ZMAT4: variants seen among roughly 807,000 people sequenced by gnomAD.
ZMAT4 encodes zinc finger matrin-type 4.
ZMAT4 carries 17 observed loss-of-function variants against 28.7 expected under a neutral mutation model. The ratio of observed to expected loss-of-function variants is 0.59; its 90% CI spans 0.41 to 0.89. The LOEUF is 0.89. Ranked by LOEUF, ZMAT4 falls within the 40% of genes least tolerant of loss-of-function variation. ZMAT4 has a pLI of 0.00. For synonymous variants in ZMAT4, 117 were observed against 109.2 expected, an observed-to-expected ratio of 1.07 and a Z score of -0.44; for missense variants, 240 against 283.8, an observed-to-expected ratio of 0.85 and a Z score of 1.11.
chr8:40,801,351 A>AAAATATATATATATAT (rs370796453), intron 2 of ZMAT4, among the ~76,000 whole-genome samples: 6 of 97,258 alleles, frequency 6.2e-5, no homozygotes, highest in Admixed American at 2.9e-4. Flanking sequence ...TAAAAAAAAA[A>AAAATATATATATATAT]ATATATATAT....
chr8:40,562,166 A>G (rs1292376084), intron 6 of ZMAT4, among the ~76,000 whole-genome samples: 1 of 152,200 alleles, frequency 6.6e-6, no homozygotes, highest in African/African-American at 2.4e-5. Context: ...TCTGCTTTCC[A>G]AGAACCTGTA....
At chr8:40,544,824 G>A (rs1227917153) in intron 6 of ZMAT4, among the ~76,000 whole-genome samples, 1 of 152,138 alleles carries the variant, frequency 6.6e-6, no homozygotes, top group Non-Finnish European at 1.5e-5. Flanking sequence ...TGACTCAGAG[G>A]ATGGACCAAG....
intron 2 of ZMAT4, among the ~76,000 whole-genome samples, chr8:40,817,871 T>C (rs1248646151): frequency 1.3e-5 from 2 of 152,204 alleles, no homozygotes; most frequent in African/African-American, 4.8e-5. Flanking sequence ...ATGCTATGTG[T>C]TTGTTAAATC....
chr8:40,824,743 G>T (rs542824204), intron 2 of ZMAT4, among the ~76,000 whole-genome samples: 1 of 138,276 alleles, frequency 7.2e-6, no homozygotes, highest in South Asian at 2.3e-4. Context: ...AAGAAAGAAA[G>T]AAAAGAAAAA....
chr8:40,639,801 C>CACAT (rs1368894612), intron 5 of ZMAT4, among the ~76,000 whole-genome samples: 2 of 151,434 alleles, frequency 1.3e-5, no homozygotes, highest in Non-Finnish European at 2.9e-5. Context: ...CACACACACA[C>CACAT]ATTCTTTGTA....
At chr8:40,574,021 A>G (rs1804184180) in intron 6 of ZMAT4, among the ~76,000 whole-genome samples, 1 of 152,174 alleles carries the variant, frequency 6.6e-6, no homozygotes, top group African/African-American at 2.4e-5. Context: ...AATCACTGGC[A>G]CCTGAATACT....
intron 3 of ZMAT4, among the ~76,000 whole-genome samples, chr8:40,731,185 G>A (rs528058089): frequency 8.9e-4 from 131 of 146,568 alleles, no homozygotes; most frequent in South Asian, 5.0e-3. Context: ...GTTGGAGGGC[G>A]TTCCAGGGGA....
chr8:40,876,279 A>G (rs996333110), intron 1 of ZMAT4, among the ~76,000 whole-genome samples: 3 of 152,196 alleles, frequency 2.0e-5, no homozygotes, highest in Non-Finnish European at 4.4e-5. Context: ...CACTTAATGA[A>G]TAGTAAATAT....
intron 5 of ZMAT4, among the ~76,000 whole-genome samples, chr8:40,605,551 T>C (rs11985717): frequency 0.041 from 6,302 of 152,260 alleles, 414 homozygotes; most frequent in African/African-American, 0.14. Flanking sequence ...AGAGTACTTA[T>C]AATTTTGATT....
intron 3 of ZMAT4, among the ~76,000 whole-genome samples, chr8:40,756,792 T>A (rs542531987): frequency 5.2e-4 from 79 of 152,092 alleles, no homozygotes; most frequent in African/African-American, 1.7e-3. Context: ...GTCTATAACA[T>A]TTTCAACTGA....
rs115188023 is a variant in ZMAT4, at chr8:40,573,194, T to C, written c.674+7971A>G. ...AGGGCAGGCATTGTAAGCAGTGGCTTAGTAAAATGTGTCTAAAGGGTTGCC... is the reference window on the plus strand; with the variant it reads ...AGGGCAGGCATTGTAAGCAGTGGCTCAGTAAAATGTGTCTAAAGGGTTGCC... On this transcript the variant is annotated intron_variant, in intron 6 of 6. Transcript: ENST00000297737. Among the ~76,000 whole-genome samples the C allele has an allele frequency of 3.1e-3, 468 of 152,298 alleles. 3 individuals carry two copies. Among genetic ancestry groups the C allele is most frequent in the African/African-American group, 0.011 (453 of 41,572 alleles).
At chr8:40,802,553 A>G (rs1814895909) in intron 2 of ZMAT4, among the ~76,000 whole-genome samples, 1 of 152,130 alleles carries the variant, frequency 6.6e-6, no homozygotes, top group African/African-American at 2.4e-5. Flanking sequence ...TTGATGAAGA[A>G]AATCAAAGAT....
intron 6 of ZMAT4, among the ~76,000 whole-genome samples, chr8:40,569,906 A>G (rs1804039394): frequency 6.6e-6 from 1 of 152,182 alleles, no homozygotes; most frequent in African/African-American, 2.4e-5. Flanking sequence ...GAAAAACACT[A>G]AAGAAACGTC....
At chr8:40,616,533 A>G (rs1224068337) in intron 5 of ZMAT4, among the ~76,000 whole-genome samples, 1 of 152,220 alleles carries the variant, frequency 6.6e-6, no homozygotes. Context: ...TGGCACATAT[A>G]CACCATGGAA....
At chr8:40,754,300 A>G (rs1812582096) in intron 3 of ZMAT4, among the ~76,000 whole-genome samples, 1 of 152,230 alleles carries the variant, frequency 6.6e-6, no homozygotes, top group Admixed American at 6.5e-5. Flanking sequence ...CCAATGATCA[A>G]AGACCCATGG....
chr8:40,753,828 T>C (rs975887207), intron 3 of ZMAT4, among the ~76,000 whole-genome samples: 4 of 152,192 alleles, frequency 2.6e-5, no homozygotes, highest in African/African-American at 4.8e-5. Context: ...TGACAAAGAT[T>C]CTTACTCATA....
intron 2 of ZMAT4, among the ~76,000 whole-genome samples, chr8:40,778,508 T>C (rs1053667914): frequency 1.3e-5 from 2 of 152,210 alleles, no homozygotes; most frequent in Non-Finnish European, 1.5e-5. Flanking sequence ...TGGGGCCAGC[T>C]ATAATACTGT....
chr8:40,861,087 G>C (rs920896934), intron 1 of ZMAT4, among the ~76,000 whole-genome samples: 3 of 152,158 alleles, frequency 2.0e-5, no homozygotes, highest in African/African-American at 7.2e-5. Context: ...ATCATTATTG[G>C]TATTTACATA....
chr8:40,766,180 G>A (rs369223578), intron 3 of ZMAT4, among the ~76,000 whole-genome samples: 2 of 152,108 alleles, frequency 1.3e-5, no homozygotes, highest in African/African-American at 2.4e-5. Context: ...GGCATGATCC[G>A]CTTGCCTTTT....
Sources: allele counts gnomAD v4.1 joint callset (sites outside exome capture counted in the v4.1 genomes callset), GRCh38; gene constraint gnomAD v4.1.1; transcripts MANE v1.5; gene names NCBI Gene and HGNC (gene_info 2026-07-23, HGNC 2026-07-21).